Variants in MTRF1 observed in about 807,000 individuals in gnomAD.
The protein encoded by MTRF1 is mitochondrial translation release factor 1.
MTRF1 carries 51 observed loss-of-function variants against 62.9 expected under a neutral mutation model. The observed-to-expected ratio is 0.81, with a 90% CI of 0.65 to 1.02. The LOEUF is 1.02. Among genes scored for constraint, MTRF1 ranks in the 50% least tolerant of loss-of-function variants. The pLI is 0.00. For missense variants in MTRF1, 446 were observed against 530.0 expected, an observed-to-expected ratio of 0.84 and a Z score of 1.56; for synonymous variants, 158 against 181.9, an observed-to-expected ratio of 0.87 and a Z score of 1.06.
chr13:41,264,067 G>C (rs3764055), upstream of MTRF1, among the ~76,000 whole-genome samples: 108,393 of 152,014 alleles, frequency 0.71, 38,926 homozygotes, highest in African/African-American at 0.73. Flanking sequence ...TTAGAAGCCC[G>C]TAAAGCACTG....
At chr13:41,302,281 C>T in the MTRF1 span, among the ~76,000 whole-genome samples, 6 of 152,116 alleles carry the variant, frequency 3.9e-5, no homozygotes, top group South Asian at 4.1e-4. Context: ...CCACCCGCCT[C>T]GGCCTTCCAA....
intron 5 of MTRF1, among the ~76,000 whole-genome samples, chr13:41,248,205 T>C (rs2038540457): frequency 6.6e-6 from 1 of 152,174 alleles, no homozygotes; most frequent in Non-Finnish European, 1.5e-5. Flanking sequence ...CACTGCAACC[T>C]CCACCTCCCG....
the MTRF1 span, among the ~76,000 whole-genome samples, chr13:41,278,346 T>C: frequency 6.6e-6 from 1 of 152,200 alleles, no homozygotes; most frequent in African/African-American, 2.4e-5. Flanking sequence ...GAAAGTACAC[T>C]TCACAGTGTG....
chr13:41,278,344 A>T, the MTRF1 span, among the ~76,000 whole-genome samples: 5 of 152,232 alleles, frequency 3.3e-5, no homozygotes, highest in Non-Finnish European at 5.9e-5. Context: ...ATGAAAGTAC[A>T]CTTCACAGTG....
chr13:41,308,319 CA>C, the MTRF1 span, among the ~76,000 whole-genome samples: 1 of 152,108 alleles, frequency 6.6e-6, no homozygotes, highest in Non-Finnish European at 1.5e-5. Flanking sequence ...TCTAATTTGT[CA>C]TTTTGAAATA....
At chr13:41,220,528 G>A (rs759468663) in intron 9 of MTRF1, 19 of 1,215,626 alleles carry the variant, frequency 1.6e-5, no homozygotes, top group Non-Finnish European at 1.8e-5. Context: ...ATAAAAGTAA[G>A]AAAGTTACCT....
At chr13:41,285,628 CAG>C in the MTRF1 span, among the ~76,000 whole-genome samples, 1 of 152,168 alleles carries the variant, frequency 6.6e-6, no homozygotes, top group Non-Finnish European at 1.5e-5. Flanking sequence ...CTCTTTCAGA[CAG>C]AGAGTTACTG....
intron 6 of MTRF1, 96 bp downstream of exon 6, chr13:41,240,162 CAAA>C (rs58711295): frequency 1.4e-3 from 1,422 of 1,044,766 alleles, no homozygotes; most frequent in South Asian, 2.6e-3. Flanking sequence ...GACTCTGTCT[CAAA>C]AAAAAAAAAA....
At chr13:41,239,199 C>G (rs1400499446) in intron 6 of MTRF1, among the ~76,000 whole-genome samples, 2 of 151,870 alleles carry the variant, frequency 1.3e-5, no homozygotes, top group African/African-American at 4.8e-5. Flanking sequence ...CCCAGGAGTT[C>G]AAGTTCAGCC....
upstream of MTRF1, among the ~76,000 whole-genome samples, chr13:41,265,465 T>C (rs765392846): frequency 1.1e-4 from 17 of 152,178 alleles, no homozygotes; most frequent in Non-Finnish European, 2.2e-4. Context: ...CTGAATTGTT[T>C]ATATTCATAA....
At chr13:41,272,330 A>T in the MTRF1 span, among the ~76,000 whole-genome samples, 1 of 152,208 alleles carries the variant, frequency 6.6e-6, no homozygotes, top group Non-Finnish European at 1.5e-5. Context: ...GGTGGAAGAA[A>T]AGTAAATGAA....
At chr13:41,311,917 G>A in the MTRF1 span, among the ~76,000 whole-genome samples, 2 of 152,238 alleles carry the variant, frequency 1.3e-5, no homozygotes, top group African/African-American at 2.4e-5. Context: ...CGCCGGGCTC[G>A]CAGCAGCCCC....
chr13:41,284,921 AG>A, the MTRF1 span, among the ~76,000 whole-genome samples: 2 of 152,104 alleles, frequency 1.3e-5, no homozygotes, highest in Admixed American at 6.5e-5. Context: ...CCTAAGTGCT[AG>A]GATTACAGGC....
rs749569535 is a variant in MTRF1 at position 41,226,571 on chromosome 13, G to GA, written c.989-4dup. ...TTGTTGGCATTCTACTACTAGCCCT[G>GA]AAAAATAACAGGGATCAGAAGGTAA... On this transcript the variant is annotated splice_region_variant and splice_polypyrimidine_tract_variant and intron_variant, in intron 7 of 9. Transcript: ENST00000379480. The GA allele has an allele frequency of 3.1e-6, 5 of 1,612,964 alleles. No homozygotes were observed. In the African/African-American group the frequency reaches 5.3e-5, roughly 17 times the overall value.
intron 8 of MTRF1, among the ~76,000 whole-genome samples, chr13:41,223,768 G>A (rs891815871): frequency 2.6e-5 from 4 of 152,154 alleles, no homozygotes; most frequent in Non-Finnish European, 5.9e-5. Context: ...CGGCGGGAGA[G>A]ACCATCTTCA....
the MTRF1 span, among the ~76,000 whole-genome samples, chr13:41,292,943 C>G: frequency 6.6e-6 from 1 of 152,056 alleles, no homozygotes; most frequent in African/African-American, 2.4e-5. Context: ...CACCAAAAAA[C>G]TAAAATCAAA....
chr13:41,232,421 T>C (rs907097499), intron 7 of MTRF1, among the ~76,000 whole-genome samples: 1 of 152,158 alleles, frequency 6.6e-6, no homozygotes, highest in Non-Finnish European at 1.5e-5. Context: ...TAAAATGTTA[T>C]GCAAGAAAGT....
At chr13:41,226,166 C>T (rs1399419108) in intron 8 of MTRF1, among the ~76,000 whole-genome samples, 1 of 152,146 alleles carries the variant, frequency 6.6e-6, no homozygotes, top group Non-Finnish European at 1.5e-5. Flanking sequence ...CTTCTTAAGA[C>T]AGTAATGATA....
intron 2 of MTRF1, among the ~76,000 whole-genome samples, chr13:41,259,886 C>A (rs991801491): frequency 6.6e-6 from 1 of 152,042 alleles, no homozygotes; most frequent in African/African-American, 2.4e-5. Context: ...ATAAACAATA[C>A]TTAAATAAGT....
Sources: allele counts gnomAD v4.1 joint callset (sites outside exome capture counted in the v4.1 genomes callset), GRCh38; gene constraint gnomAD v4.1.1; transcripts MANE v1.5; gene names NCBI Gene and HGNC (gene_info 2026-07-23, HGNC 2026-07-21).